Variants in GK5 observed in about 807,000 individuals in gnomAD.
GK5 encodes the protein ATP:glycerol 3-phosphotransferase 5.
GK5 carries 39 observed loss-of-function variants against 77.3 expected under a neutral mutation model. The ratio of observed to expected loss-of-function variants is 0.50; its 90% CI spans 0.39 to 0.66. GK5 has a LOEUF of 0.66. Among genes scored for constraint, GK5 ranks in the 30% least tolerant of loss-of-function variants. The probability of loss-of-function intolerance (pLI) is 0.00; values close to 1 mark genes in which losing one functional copy is unlikely to be tolerated. For missense variants in GK5, 487 were observed against 633.8 expected (o/e 0.77, Z 2.49); for synonymous variants, 211 against 208.0 (o/e 1.01, Z -0.13).
intron 11 of GK5, among the ~76,000 whole-genome samples, chr3:142,180,743 C>T (rs1415844188): frequency 6.6e-6 from 1 of 152,128 alleles, no homozygotes; most frequent in East Asian, 1.9e-4. Context: ...GAAACTAAAG[C>T]ACCAGCTTTC....
Position 142,165,509 on chromosome 3 carries a change from C to T in GK5, c.*113G>A. The stretch of plus-strand genomic sequence containing the variant: ...AAGCAATGCTTCTTAAGTTATGAAG[C>T]TTATTTAAAATTTTCTCCTCTTAGT... On this transcript the variant is annotated 3_prime_UTR_variant, in exon 16 of 16. Transcript: ENST00000392993. The T allele has an allele frequency of 1.4e-6, 1 of 697,816 alleles. No individual in the cohort carries two copies. The highest frequency in any genetic ancestry group is 1.8e-5 in the African/African-American group (1 of 54,276). The allele number at this position is 697,816 out of a possible 1,614,324, so 43.2% of individuals were successfully genotyped here.
At chr3:142,200,102 C>T (rs947561707) in intron 4 of GK5, among the ~76,000 whole-genome samples, 3 of 149,876 alleles carry the variant, frequency 2.0e-5, no homozygotes, top group Non-Finnish European at 2.9e-5. Context: ...TATATATACA[C>T]ACACACACAC....
At chr3:142,178,811 C>A (rs143658287) in intron 11 of GK5, among the ~76,000 whole-genome samples, 28 of 152,178 alleles carry the variant, frequency 1.8e-4, no homozygotes, top group African/African-American at 5.8e-4. Flanking sequence ...CTAAGGTCTT[C>A]ACATTTAGAA....
At chr3:142,186,074 CA>C in intron 8 of GK5, 85 bp from the exon 9 acceptor site, 2 of 1,211,302 alleles carry the variant, frequency 1.7e-6, no homozygotes, top group Non-Finnish European at 2.4e-6. Context: ...TTGCATAAGC[CA>C]AAAAGTTACA....
At chr3:142,184,281 A>AAAAG (rs2063737874) in intron 9 of GK5, among the ~76,000 whole-genome samples, 1 of 149,510 alleles carries the variant, frequency 6.7e-6, no homozygotes, top group Non-Finnish European at 1.5e-5. Context: ...AAAAAAAAAA[A>AAAAG]AAAAAGAAAA....
chr3:142,188,598 A>T (rs536451777), intron 5 of GK5, among the ~76,000 whole-genome samples: 2 of 152,364 alleles, frequency 1.3e-5, no homozygotes, highest in South Asian at 4.1e-4. Context: ...AATCCAGCCT[A>T]CTCTCTGTTT....
intron 3 of GK5, among the ~76,000 whole-genome samples, chr3:142,206,945 T>C (rs534845579): frequency 1.3e-5 from 2 of 152,304 alleles, no homozygotes; most frequent in South Asian, 4.1e-4. Flanking sequence ...AAGGGGGAGA[T>C]GTAGGGAGAC....
At chr3:142,209,009 C>T (rs898655087) in intron 3 of GK5, among the ~76,000 whole-genome samples, 16 of 152,162 alleles carry the variant, frequency 1.1e-4, no homozygotes, top group East Asian at 9.7e-4. Flanking sequence ...ATTAGCCGAG[C>T]GCGGTGGCGG....
Position 142,225,308 on chromosome 3 carries a change from C to A in GK5, c.147+1G>T, listed in dbSNP as rs1305125210. On this transcript the variant is annotated splice_donor_variant, in intron 1 of 15. Transcript: ENST00000392993. LOFTEE classifies it high-confidence loss of function. Reference sequence around the variant, plus strand: ...GCGCCCCACGCCCGCCCCCAAGTCACCTTCTGCACGCTGGAGCCGCAGACC... The same window carrying A: ...GCGCCCCACGCCCGCCCCCAAGTCAACTTCTGCACGCTGGAGCCGCAGACC... 1 of 1,538,824 alleles carries A rather than the reference C, an allele frequency of 6.5e-7. No homozygotes were observed. The highest frequency in any genetic ancestry group is 2.0e-5 in the Admixed American group (1 of 50,210).
chr3:142,218,968 GATTACAAAT>G (rs1167898086), intron 1 of GK5, among the ~76,000 whole-genome samples: 1 of 152,140 alleles, frequency 6.6e-6, no homozygotes, highest in Non-Finnish European at 1.5e-5. Context: ...AAAACATGTG[GATTACAAAT>G]ATGTACATGA....
chr3:142,219,222 T>G (rs942480810), intron 1 of GK5, among the ~76,000 whole-genome samples: 57 of 152,156 alleles, frequency 3.7e-4, no homozygotes, highest in Non-Finnish European at 1.9e-4. Flanking sequence ...AAATTTACCC[T>G]ATAAGGTTGT....
At chr3:142,167,056 C>G (rs553720445) in intron 15 of GK5, among the ~76,000 whole-genome samples, 56 of 152,232 alleles carry the variant, frequency 3.7e-4, no homozygotes, top group Non-Finnish European at 1.0e-4. Flanking sequence ...TTACAGTCAA[C>G]ATTTTAGACC....
chr3:142,178,122 T>G (rs1387122383), intron 11 of GK5, among the ~76,000 whole-genome samples: 2 of 152,146 alleles, frequency 1.3e-5, no homozygotes, highest in Non-Finnish European at 2.9e-5. Flanking sequence ...CCTCCCAAAG[T>G]GCTGGGAATA....
chr3:142,185,573 CATAA>C, intron 9 of GK5: 1 of 1,083,784 alleles, frequency 9.2e-7, no homozygotes, highest in Non-Finnish European at 1.1e-6. Context: ...TCAAACAGAA[CATAA>C]ATATTCGCCC....
chr3:142,185,575 T>C (rs2063757772), intron 9 of GK5: 2 of 1,085,856 alleles, frequency 1.8e-6, no homozygotes, highest in Non-Finnish European at 1.1e-6. Flanking sequence ...AAACAGAACA[T>C]AAATATTCGC....
chr3:142,196,222 G>A lies in GK5; in HGVS notation c.543+2580C>T, dbSNP rs188476645. On this transcript the variant is annotated intron_variant, in intron 5 of 15. Transcript: ENST00000392993. ...ATTTTAGTTATTTGGGTTTTCTCTC[G>A]TCTTTGTCAGTTTAGCTAATCTTTT... Among the ~76,000 whole-genome samples, 205 of 151,836 alleles carry A rather than the reference G, an allele frequency of 1.4e-3. 3 individuals are homozygous for A. The highest frequency in any genetic ancestry group is 3.4e-3 in the Middle Eastern group (1 of 294).
intron 1 of GK5, among the ~76,000 whole-genome samples, chr3:142,221,142 A>G (rs1251233677): frequency 6.6e-6 from 1 of 152,254 alleles, no homozygotes; most frequent in South Asian, 2.1e-4. Flanking sequence ...CTGAGGATAC[A>G]GTGACAATAT....
intron 3 of GK5, among the ~76,000 whole-genome samples, chr3:142,209,143 C>T (rs1223245767): frequency 1.1e-4 from 16 of 149,400 alleles, no homozygotes; most frequent in South Asian, 8.6e-4. Flanking sequence ...AGTGAGACTC[C>T]GCCTCAAAAA....
chr3:142,213,106 T>C (rs2064218000), intron 3 of GK5, among the ~76,000 whole-genome samples: 1 of 152,136 alleles, frequency 6.6e-6, no homozygotes, highest in African/African-American at 2.4e-5. Flanking sequence ...AGTGCTGGGA[T>C]TACAGGCGTG....
Sources: gnomAD v4.1 joint callset for allele counts (sites outside exome capture counted in the v4.1 genomes callset) on GRCh38, gnomAD v4.1.1 for gene constraint, MANE v1.5 for transcripts, NCBI Gene and HGNC (gene_info 2026-07-23, HGNC 2026-07-21) for gene names.